ANO3: variants seen among roughly 807,000 people sequenced by gnomAD.
ANO3 encodes the protein anoctamin 3.
In ANO3, 99 loss-of-function variants were observed where a neutral mutation model predicts 144.8. That is an observed-to-expected ratio of 0.68 (90% CI 0.58 to 0.81). The LOEUF is 0.81. Ranked by LOEUF, ANO3 falls within the 30% of genes least tolerant of loss-of-function variation. The pLI, the probability that ANO3 is intolerant of heterozygous loss-of-function variation, is 0.00. For synonymous variants in ANO3, 414 were observed against 392.6 expected (o/e 1.05, Z -0.64); for missense variants, 905 against 1,202.2 (o/e 0.75, Z 3.66).
intron 4 of ANO3, among the ~76,000 whole-genome samples, chr11:26,484,014 A>C (rs1860337422): frequency 6.6e-6 from 1 of 152,174 alleles, no homozygotes; most frequent in Non-Finnish European, 1.5e-5. Flanking sequence ...CCTGCTCTAG[A>C]GATCTGGAAA....
chr11:26,359,501 T>G (rs749717990), intron 1 of ANO3, among the ~76,000 whole-genome samples: 1 of 152,222 alleles, frequency 6.6e-6, no homozygotes, highest in Non-Finnish European at 1.5e-5. Flanking sequence ...ATGTATATAC[T>G]GATCAATGCT....
chr11:26,231,240 A>C (rs996714407), intron 1 of ANO3, among the ~76,000 whole-genome samples: 2 of 152,106 alleles, frequency 1.3e-5, no homozygotes, highest in African/African-American at 4.8e-5. Flanking sequence ...TCTGAGGTTA[A>C]ATGTGAGGTC....
chr11:26,246,524 T>A (rs1852798861), intron 1 of ANO3, among the ~76,000 whole-genome samples: 1 of 150,150 alleles, frequency 6.7e-6, no homozygotes, highest in South Asian at 2.1e-4. Flanking sequence ...TTCAAGGCTA[T>A]CTGTAAGTTT....
intron 1 of ANO3, among the ~76,000 whole-genome samples, chr11:26,298,945 T>C (rs946286767): frequency 6.6e-6 from 1 of 152,204 alleles, no homozygotes; most frequent in Non-Finnish European, 1.5e-5. Flanking sequence ...GACTTGATTC[T>C]TTCAGACCAA....
At chr11:26,496,364 T>C (rs1444224333) in intron 4 of ANO3, among the ~76,000 whole-genome samples, 2 of 152,160 alleles carry the variant, frequency 1.3e-5, no homozygotes, top group Non-Finnish European at 2.9e-5. Flanking sequence ...CCCTGGCACC[T>C]AGGACACAAA....
rs201712393 is a variant in ANO3, at chr11:26,595,460, G to GTTTTTTTTTTTTTTTTT, written c.1448-2894_1448-2878dup. On this transcript the variant is annotated intron_variant, in intron 14 of 26. Coordinates refer to ENST00000256737, the MANE Select transcript of ANO3 (RefSeq NM_031418.4). Reference sequence around the variant, plus strand: ...TTTGACTCAGTATTGAGATAGAGTTGTTTTTTTTTTTTTTTTTTTTTTTTT... The same window carrying GTTTTTTTTTTTTTTTTT: ...TTTGACTCAGTATTGAGATAGAGTTGTTTTTTTTTTTTTTTTTTTTTTTTTTTTTTTTTTTTTTTTTT... 4.5e-4 allele frequency among the ~76,000 whole-genome samples: 46 copies of GTTTTTTTTTTTTTTTTT among 101,386 alleles called. 5 individuals carry two copies. Among genetic ancestry groups the GTTTTTTTTTTTTTTTTT allele is most frequent in the African/African-American group, 1.0e-3 (25 of 23,948 alleles). 66.5% of individuals were successfully genotyped at this position (101,386 alleles called of 152,430 possible).
intron 1 of ANO3, among the ~76,000 whole-genome samples, chr11:26,390,965 A>G (rs970342132): frequency 1.3e-5 from 2 of 152,168 alleles, no homozygotes; most frequent in Admixed American, 6.6e-5. Context: ...TGATAAAAAT[A>G]TTAAATCCTT....
chr11:26,364,953 C>G (rs1004962848), intron 1 of ANO3, among the ~76,000 whole-genome samples: 7 of 152,130 alleles, frequency 4.6e-5, no homozygotes, highest in East Asian at 1.9e-4. Flanking sequence ...ACTCAAAAGT[C>G]CCAAGTCCAA....
chr11:26,490,351 C>G (rs1860654212), intron 4 of ANO3, among the ~76,000 whole-genome samples: 1 of 152,134 alleles, frequency 6.6e-6, no homozygotes, highest in Non-Finnish European at 1.5e-5. Context: ...TTTGGTGTGT[C>G]TTTATCAGCA....
At chr11:26,368,761 G>A (rs79787256) in intron 1 of ANO3, among the ~76,000 whole-genome samples, 2 of 151,848 alleles carry the variant, frequency 1.3e-5, no homozygotes, top group Admixed American at 6.6e-5. Flanking sequence ...TACATCAATC[G>A]CTAAAAGTTG....
chr11:26,378,062 T>A (rs780510761), intron 1 of ANO3, among the ~76,000 whole-genome samples: 2 of 152,024 alleles, frequency 1.3e-5, no homozygotes, highest in Non-Finnish European at 2.9e-5. Context: ...ATTTTCATAC[T>A]TATACAGTGT....
intron 1 of ANO3, among the ~76,000 whole-genome samples, chr11:26,250,121 C>T (rs1014682882): frequency 6.6e-6 from 1 of 152,200 alleles, no homozygotes; most frequent in African/African-American, 2.4e-5. Context: ...GAAATTTAAG[C>T]TAGCATACAA....
rs1397696149 is a variant in ANO3, at chr11:26,214,453, T to C, written c.154+25123T>C. Among the ~76,000 whole-genome samples the C allele has an allele frequency of 2.6e-5, 4 of 152,036 alleles. No homozygotes were observed. The East Asian group carries it at 5.8e-4, about 22-fold the overall frequency. On this transcript the variant is annotated intron_variant, in intron 1 of 27. Coordinates refer to the ANO3 transcript ENST00000672621. The stretch of plus-strand genomic sequence containing the variant: ...ATTTTAACAACAATCGCAATATAGA[T>C]GTCATCGCATCACTATTAATCAACA...
chr11:26,240,131 T>C (rs915970384), intron 1 of ANO3, among the ~76,000 whole-genome samples: 4 of 152,184 alleles, frequency 2.6e-5, no homozygotes, highest in South Asian at 2.1e-4. Flanking sequence ...ATAATAATAG[T>C]ATTCACCTCA....
chr11:26,278,143 T>C (rs1259498783), intron 1 of ANO3, among the ~76,000 whole-genome samples: 1 of 152,110 alleles, frequency 6.6e-6, no homozygotes, highest in East Asian at 1.9e-4. Flanking sequence ...TGCTATTTAT[T>C]TCACTCAATT....
chr11:26,434,260 T>C (rs968359340), intron 1 of ANO3, among the ~76,000 whole-genome samples: 25 of 152,148 alleles, frequency 1.6e-4, no homozygotes, highest in African/African-American at 5.8e-4. Flanking sequence ...GTGGGGTCGG[T>C]ATTTCTGTGT....
chr11:26,406,874 T>C (rs1469962945), intron 1 of ANO3, among the ~76,000 whole-genome samples: 1 of 150,444 alleles, frequency 6.6e-6, no homozygotes. Flanking sequence ...TTAATTTTCT[T>C]AAATGCTGGG....
intron 1 of ANO3, among the ~76,000 whole-genome samples, chr11:26,201,325 T>C (rs1311767730): frequency 6.6e-6 from 1 of 152,158 alleles, no homozygotes; most frequent in Non-Finnish European, 1.5e-5. Context: ...AACAATTCAC[T>C]CTTGAGAATA....
intron 1 of ANO3, among the ~76,000 whole-genome samples, chr11:26,385,518 G>GCATTCCTGGCTCCTGGCC (rs1383943529): frequency 6.6e-6 from 1 of 152,088 alleles, no homozygotes; most frequent in Non-Finnish European, 1.5e-5. Context: ...GAGGCTGCTT[G>GCATTCCTGGCTCCTGGCC]CATTCCTGGC....
Sources: allele counts gnomAD v4.1 joint callset (sites outside exome capture counted in the v4.1 genomes callset), GRCh38; gene constraint gnomAD v4.1.1; transcripts MANE v1.5; gene names NCBI Gene and HGNC (gene_info 2026-07-23, HGNC 2026-07-21).